Variants in IQSEC1 observed in about 807,000 individuals in gnomAD.
IQSEC1 encodes IQ motif and Sec7 domain ArfGEF 1, also known as IQ motif and SEC7 domain-containing protein 1.
A neutral mutation model predicts 91.0 loss-of-function variants in IQSEC1; 31 were observed. That is an observed-to-expected ratio of 0.34 (90% CI 0.26 to 0.46). The LOEUF (loss-of-function observed/expected upper bound fraction) is 0.46. Ranked by LOEUF, IQSEC1 falls within the 20% of genes least tolerant of loss-of-function variation. The probability of loss-of-function intolerance (pLI) is 1.00; values close to 1 mark genes in which losing one functional copy is unlikely to be tolerated. For synonymous variants in IQSEC1, 699 were observed against 662.6 expected, an observed-to-expected ratio of 1.05 and a Z score of -0.84; for missense variants, 1,388 against 1,575.6, an observed-to-expected ratio of 0.88 and a Z score of 2.02.
At chr3:13,032,884 CATT>C (rs1273239576) in intron 1 of IQSEC1, among the ~76,000 whole-genome samples, 2 of 152,286 alleles carry the variant, frequency 1.3e-5, no homozygotes, top group African/African-American at 4.8e-5. Context: ...TTTTTTAAAA[CATT>C]ATATATAAAG....
intron 12 of IQSEC1, among the ~76,000 whole-genome samples, chr3:12,903,510 G>GCCTTC: frequency 6.6e-6 from 1 of 152,360 alleles, no homozygotes; most frequent in African/African-American, 2.4e-5. Flanking sequence ...GGGCCACAAA[G>GCCTTC]CCTTCCCTAA....
chr3:13,069,779 A>G (rs1049406859), intron 1 of IQSEC1, among the ~76,000 whole-genome samples: 1 of 152,202 alleles, frequency 6.6e-6, no homozygotes, highest in Non-Finnish European at 1.5e-5. Flanking sequence ...GATGAAAAGG[A>G]TGCTGTAGTT....
chr3:13,172,595 G>A (rs982871621), intron 1 of IQSEC1, among the ~76,000 whole-genome samples: 3 of 152,168 alleles, frequency 2.0e-5, no homozygotes, highest in African/African-American at 4.8e-5. Flanking sequence ...AACACTTCCC[G>A]AGGGCAGATG....
chr3:13,040,079 C>T (rs1704196423), intron 1 of IQSEC1, among the ~76,000 whole-genome samples: 1 of 152,232 alleles, frequency 6.6e-6, no homozygotes, highest in Admixed American at 6.5e-5. Flanking sequence ...CCTGCCCCAC[C>T]TTCCTTTCTA....
At chr3:13,230,337 G>C (rs1269152637) in intron 1 of IQSEC1, among the ~76,000 whole-genome samples, 1 of 152,172 alleles carries the variant, frequency 6.6e-6, no homozygotes, top group African/African-American at 2.4e-5. Context: ...GACCTTGTTC[G>C]ATGACAGGAA....
At chr3:13,134,829 C>T (rs1706680853) in intron 2 of IQSEC1, among the ~76,000 whole-genome samples, 1 of 152,136 alleles carries the variant, frequency 6.6e-6, no homozygotes, top group Non-Finnish European at 1.5e-5. Flanking sequence ...TCAAGAGTCC[C>T]CACAGCTGGC....
At chr3:13,025,112 CT>C (rs1455661049) in intron 1 of IQSEC1, among the ~76,000 whole-genome samples, 1 of 152,244 alleles carries the variant, frequency 6.6e-6, no homozygotes, top group Non-Finnish European at 1.5e-5. Context: ...TAAAAAGCCC[CT>C]GGCACTGCCG....
In IQSEC1 at chr3:12,935,377, C is replaced by T; in HGVS notation, c.1568+71G>A. 6 of 1,450,226 alleles carry T rather than the reference C, an allele frequency of 4.1e-6. No homozygotes were observed. The highest frequency in any genetic ancestry group is 4.7e-6 in the Non-Finnish European group (5 of 1,058,720). 89.8% of individuals were successfully genotyped at this position (1,450,226 alleles called of 1,614,324 possible). ...CTCAAGCTCCGTGCTTGGAAGGATG[C>T]AGCCACGCCCACCCGCCAAGGCCCA... On this transcript the variant is annotated intron_variant, in intron 3 of 13. Coordinates refer to ENST00000613206, the MANE Select transcript of IQSEC1 (RefSeq NM_001134382.3). The surrounding 1 kb of genome is among the most constrained non-coding windows in gnomAD (Gnocchi z 8.0).
rs373625200 is a variant in IQSEC1, at chr3:13,219,584, G to A, written c.273-55451C>T. ...CACCAACACCCACCCGGCGGTCTTCGGGGATCAGCGGAGGTGTGAAAGTGG... is the reference window on the plus strand; with the variant it reads ...CACCAACACCCACCCGGCGGTCTTCAGGGATCAGCGGAGGTGTGAAAGTGG... On this transcript the variant is annotated intron_variant, in intron 1 of 15. Coordinates refer to the IQSEC1 transcript ENST00000648114. Among the ~76,000 whole-genome samples the A allele has an allele frequency of 2.0e-4, 30 of 152,372 alleles. 1 individual carries two copies. Among genetic ancestry groups the A allele is most frequent in the South Asian group, 1.2e-3 (6 of 4,830 alleles).
rs1236449659 is a variant in IQSEC1 at position 13,282,008 on chromosome 3, C to T, written c.272+703G>A. Among the ~76,000 whole-genome samples, 1 of 152,216 alleles carries T rather than the reference C, an allele frequency of 6.6e-6. No individual in the cohort carries two copies. The highest frequency in any genetic ancestry group is 6.5e-5 in the Admixed American group (1 of 15,292). ...GACACTCATGGGAGGCAAACGGGAA[C>T]CCGGCTGGCGGGCTGCGAGCCGGTA... is the stretch of plus-strand genomic sequence containing the variant. On this transcript the variant is annotated intron_variant, in intron 1 of 15. Transcript: ENST00000648114. The surrounding 1 kb of genome is among the most constrained non-coding windows in gnomAD (Gnocchi z 6.4).
Position 12,979,955 on chromosome 3 carries a change from G to T in IQSEC1, c.24-38090C>A, listed in dbSNP as rs772736752. 7.9e-5 allele frequency among the ~76,000 whole-genome samples: 12 copies of T among 152,220 alleles called. No individual in the cohort carries two copies. The highest frequency in any genetic ancestry group is 1.6e-4 in the Non-Finnish European group (11 of 68,042). ...AAATGATTTCCCGACTACCTGAGGT[G>T]GGGGAAGGCAGCCTGGTGCCAGGGG... On this transcript the variant is annotated intron_variant, in intron 1 of 13. Coordinates refer to ENST00000613206, the MANE Select transcript of IQSEC1 (RefSeq NM_001134382.3). The surrounding 1 kb of genome is among the most constrained non-coding windows in gnomAD (Gnocchi z 4.3).
chr3:13,184,174 T>C (rs1693892939), intron 1 of IQSEC1, among the ~76,000 whole-genome samples: 1 of 152,202 alleles, frequency 6.6e-6, no homozygotes, highest in Non-Finnish European at 1.5e-5. Context: ...GATGTCAACA[T>C]TACCCTGATA....
chr3:13,264,213 C>T (rs1286307093), intron 1 of IQSEC1, among the ~76,000 whole-genome samples: 1 of 152,204 alleles, frequency 6.6e-6, no homozygotes, highest in African/African-American at 2.4e-5. Context: ...CCAGTTCAGG[C>T]TTTGTGTCTC....
chr3:12,968,706 AGACG>A (rs1700756210), intron 1 of IQSEC1, among the ~76,000 whole-genome samples: 1 of 152,250 alleles, frequency 6.6e-6, no homozygotes, highest in Non-Finnish European at 1.5e-5. Context: ...TGGAATGCCT[AGACG>A]TGGTTGGGAG....
intron 1 of IQSEC1, among the ~76,000 whole-genome samples, chr3:13,237,238 GA>G (rs1308927133): frequency 1.3e-5 from 2 of 152,206 alleles, no homozygotes; most frequent in African/African-American, 4.8e-5. Context: ...GTGTGGATGG[GA>G]TGACGCCTGA....
rs772244616 is a variant in IQSEC1, at chr3:12,899,062, G to A, written c.*1921C>T. The A allele has an allele frequency of 2.2e-4, 80 of 361,736 alleles. No individual in the cohort carries two copies. The highest frequency in any genetic ancestry group is 3.4e-4 in the Non-Finnish European group (66 of 195,008). 22.4% of individuals were successfully genotyped at this position (361,736 alleles called of 1,614,324 possible). A position where few individuals can be genotyped will look rare whatever the true frequency, so the allele number is the denominator to read the frequency against. ...CGGGTTAAAGTCACATTTTTAAAAA[G>A]GCTAAACTCTAGATTGCTGTATTTG... On this transcript the variant is annotated 3_prime_UTR_variant, in exon 14 of 14. Transcript: ENST00000613206.
intron 2 of IQSEC1, among the ~76,000 whole-genome samples, chr3:13,092,216 C>T: frequency 6.6e-6 from 1 of 152,212 alleles, no homozygotes; most frequent in Non-Finnish European, 1.5e-5. Context: ...ACCTTGTGAG[C>T]TTCTGCCAGC....
intron 1 of IQSEC1, among the ~76,000 whole-genome samples, chr3:13,049,987 T>TGCTGAACCCCACA (rs1315945561): frequency 6.6e-6 from 1 of 152,040 alleles, no homozygotes; most frequent in Non-Finnish European, 1.5e-5. Flanking sequence ...TGTGGCCCAG[T>TGCTGAACCCCACA]GCTGAACCCC....
chr3:13,023,637 C>T (rs1014235315), intron 1 of IQSEC1, among the ~76,000 whole-genome samples: 4 of 152,172 alleles, frequency 2.6e-5, no homozygotes, highest in South Asian at 2.1e-4. Context: ...GCCCCACCCC[C>T]GGCCTGTGCA....
Sources: gnomAD v4.1 joint callset for allele counts (sites outside exome capture counted in the v4.1 genomes callset) on GRCh38, gnomAD v4.1.1 for gene constraint, Gnocchi (gnomAD v3.1) non-coding constraint, MANE v1.5 for transcripts, NCBI Gene and HGNC (gene_info 2026-07-23, HGNC 2026-07-21) for gene names.